The following RELCH variants were observed in gnomAD, a reference collection of about 807,000 sequenced individuals.
The protein encoded by RELCH is RAB11-binding protein RELCH.
Under a neutral mutation model 150.3 loss-of-function variants are expected in RELCH, and 41 were observed. The observed-to-expected ratio is 0.27, with a 90% confidence interval of 0.21 to 0.35. The LOEUF is 0.35. Ranked by LOEUF, RELCH falls within the 10% of genes least tolerant of loss-of-function variation. The pLI is 1.00. For synonymous variants in RELCH, 478 were observed against 531.8 expected (o/e 0.90, Z 1.39); for missense variants, 1,092 against 1,467.8 (o/e 0.74, Z 4.18).
chr18:62,246,363 G>A (rs1187874069), intron 11 of RELCH: 2 of 152,120 alleles, frequency 1.3e-5, no homozygotes, highest in Non-Finnish European at 2.9e-5. Context: ...TTACCTTACA[G>A]TGAGATTCTC....
intron 2 of RELCH, 99 bp from the exon 3 acceptor site, chr18:62,220,938 A>AT (rs549239205): frequency 1.1e-3 from 988 of 919,132 alleles, no homozygotes; most frequent in Non-Finnish European, 1.3e-3. Context: ...TACAAATTGT[A>AT]TTTTTTTTTC....
intron 5 of RELCH, 36 bp downstream of exon 5, chr18:62,221,533 C>T (rs1599891089): frequency 1.4e-5 from 12 of 878,558 alleles, no homozygotes; most frequent in South Asian, 7.3e-5. Context: ...TGATTTTTTT[C>T]TACACTTATA....
intron 28 of RELCH, among the ~76,000 whole-genome samples, chr18:62,301,913 A>G (rs888950342): frequency 3.9e-5 from 6 of 152,236 alleles, no homozygotes; most frequent in Non-Finnish European, 7.3e-5. Context: ...CCTACAAAGT[A>G]GATACTTTTA....
At chr18:62,300,320 G>T (rs921914756) in intron 28 of RELCH, 1 of 152,164 alleles carries the variant, frequency 6.6e-6, no homozygotes, top group Non-Finnish European at 1.5e-5. Context: ...CGTCTGCCAG[G>T]AGTATTCTTA....
At chr18:62,267,484 A>ATGTGTGTGTGTG (rs36203741) in intron 19 of RELCH, among the ~76,000 whole-genome samples, 14 of 135,806 alleles carry the variant, frequency 1.0e-4, no homozygotes, top group African/African-American at 3.8e-4. Context: ...CTAGGTATAT[A>ATGTGTGTGTGTG]TGTGTGTGTG....
In RELCH at chr18:62,290,338, A is replaced by T. The variant is rs372018247; in HGVS notation, c.3371-1205A>T. On this transcript the variant is annotated intron_variant, in intron 26 of 28. Transcript: ENST00000644646. ...CACCTGAGGTCAGGGGTTCGAGACC[A>T]GCCGAACATGGTGAAACCCCATCTC... Among the ~76,000 whole-genome samples the T allele has an allele frequency of 1.1e-4, 16 of 152,322 alleles. 1 individual carries two copies. The East Asian group carries it at 1.7e-3, about 17-fold the overall frequency.
rs1299767949 is a variant in RELCH, at chr18:62,227,394, G to A, written c.964G>A (p.Val322Ile). 6.2e-7 allele frequency: 1 copy of A among 1,612,810 alleles called. No homozygotes were observed. The highest frequency in any genetic ancestry group is 8.5e-7 in the Non-Finnish European group (1 of 1,179,276). The change falls in exon 6 of 29, where the codon GTA becomes ATA. Residue 322 changes from valine to isoleucine, a missense_variant. By Grantham distance (29) the Val-to-Ile change is conservative. This residue lies in a region of RELCH where 57 missense variants were observed against 41.5 expected (regional missense o/e 1.37). Transcript: ENST00000644646. ...TCATCAAGTAACTGGAAAAGATCTT[G>A]TAGATGTGGCCAGTGGAGTAGAAGA... Reference protein sequence around the residue: ...GNHQVTGKDLVDVASGVEEDE... With the variant: ...GNHQVTGKDLIDVASGVEEDE...
At chr18:62,299,740 A>G (rs2045583445) in intron 28 of RELCH, among the ~76,000 whole-genome samples, 1 of 152,180 alleles carries the variant, frequency 6.6e-6, no homozygotes, top group African/African-American at 2.4e-5. Context: ...AAACACAAAA[A>G]TAAACTGAAA....
In RELCH at chr18:62,201,397, T is replaced by C. The variant is rs149375674; in HGVS notation, c.527-9756T>C. On this transcript the variant is annotated intron_variant, in intron 1 of 28. Coordinates refer to ENST00000644646, the MANE Select transcript of RELCH (RefSeq NM_001346231.2). ...TTTATTATTATAAATTTCTTTCTCATGACAGATTTTTTTAAGCATGGTTGA... is the reference window on the plus strand; with the variant it reads ...TTTATTATTATAAATTTCTTTCTCACGACAGATTTTTTTAAGCATGGTTGA... Among the ~76,000 whole-genome samples the C allele has an allele frequency of 2.3e-3, 357 of 152,294 alleles. 10 individuals are homozygous for C. In the East Asian group the frequency reaches 0.064, roughly 27 times the overall value.
At chr18:62,289,616 T>G (rs1001595076) in intron 26 of RELCH, among the ~76,000 whole-genome samples, 3 of 152,170 alleles carry the variant, frequency 2.0e-5, no homozygotes, top group Admixed American at 6.5e-5. Flanking sequence ...AGAGGCTGAT[T>G]TCTTTTATAA....
intron 2 of RELCH, among the ~76,000 whole-genome samples, chr18:62,212,140 C>T (rs1221889965): frequency 2.6e-5 from 4 of 152,198 alleles, no homozygotes; most frequent in African/African-American, 9.7e-5. Flanking sequence ...CTGTGTTCTG[C>T]CTACACCAGA....
At chr18:62,190,893 G>A (rs1205283023) in intron 1 of RELCH, among the ~76,000 whole-genome samples, 2 of 152,300 alleles carry the variant, frequency 1.3e-5, no homozygotes, top group East Asian at 3.9e-4. Context: ...CCCAGGGAAG[G>A]GGAGGGCATA....
chr18:62,277,173 CTTGTT>C (rs1334713174), intron 22 of RELCH, among the ~76,000 whole-genome samples: 3 of 151,646 alleles, frequency 2.0e-5, no homozygotes, highest in Non-Finnish European at 4.4e-5. Context: ...AGGTTTTTTG[CTTGTT>C]TTGTTTGGTT....
chr18:62,291,345 A>G (rs1207256887), intron 26 of RELCH, among the ~76,000 whole-genome samples, 198 bp from the exon 27 acceptor site: 1 of 152,222 alleles, frequency 6.6e-6, no homozygotes, highest in African/African-American at 2.4e-5. Context: ...CTTTGTGTGA[A>G]TAAACACAAT....
intron 2 of RELCH, among the ~76,000 whole-genome samples, chr18:62,219,996 T>A (rs1403163835): frequency 6.6e-6 from 1 of 152,110 alleles, no homozygotes; most frequent in Non-Finnish European, 1.5e-5. Context: ...TTTCTTAATA[T>A]TCATTTGTGG....
chr18:62,236,229 C>T (rs1285146099), intron 10 of RELCH, among the ~76,000 whole-genome samples: 3 of 151,864 alleles, frequency 2.0e-5, no homozygotes, highest in African/African-American at 7.2e-5. Context: ...TTTCCCCTTT[C>T]GTTCTACTGT....
At chr18:62,270,000 A>G (rs1288010206) in intron 20 of RELCH, among the ~76,000 whole-genome samples, 1 of 152,114 alleles carries the variant, frequency 6.6e-6, no homozygotes, top group Non-Finnish European at 1.5e-5. Flanking sequence ...TAACTGTTTC[A>G]TTTGCTCATG....
At chr18:62,236,422 T>C (rs2041883891) in intron 10 of RELCH, among the ~76,000 whole-genome samples, 1 of 151,904 alleles carries the variant, frequency 6.6e-6, no homozygotes, top group African/African-American at 2.4e-5. Context: ...GGTTTTCTTA[T>C]CTTGTGTTTT....
chr18:62,232,468 A>G (rs1042958471), intron 10 of RELCH, 41 bp downstream of exon 10: 6 of 1,185,334 alleles, frequency 5.1e-6, no homozygotes, highest in African/African-American at 1.5e-5. Context: ...TAATCCCATC[A>G]TGTTGTCCAT....
Sources: gnomAD v4.1 joint callset for allele counts (sites outside exome capture counted in the v4.1 genomes callset) on GRCh38, gnomAD v4.1.1 for gene constraint, gnomAD v4.1.1 regional missense constraint, MANE v1.5 for transcripts, NCBI Gene and HGNC (gene_info 2026-07-23, HGNC 2026-07-21) for gene names.